Variants in PIK3R3 observed in about 807,000 individuals in gnomAD.
PIK3R3 encodes phosphoinositide-3-kinase regulatory subunit 3, also known as phosphatidylinositol 3-kinase regulatory subunit gamma.
In PIK3R3, 64 loss-of-function variants were observed where a neutral mutation model predicts 62.9. The ratio of observed to expected loss-of-function variants is 1.02; its 90% CI spans 0.83 to 1.25. PIK3R3 has a LOEUF of 1.25. Among genes scored for constraint, PIK3R3 ranks in the 50% most tolerant of loss-of-function variants. PIK3R3 has a pLI of 0.00. For missense variants in PIK3R3, 614 were observed against 561.6 expected, an observed-to-expected ratio of 1.09 and a Z score of -0.94; for synonymous variants, 165 against 189.0, an observed-to-expected ratio of 0.87 and a Z score of 1.04.
chr1:46,123,025 G>A (rs953280652), intron 1 of PIK3R3, among the ~76,000 whole-genome samples: 3 of 152,028 alleles, frequency 2.0e-5, no homozygotes, highest in East Asian at 3.9e-4. Flanking sequence ...AGTTTAGGCT[G>A]CAGTGAGCCA....
rs1271226272 is a variant in PIK3R3, at chr1:46,074,309, A to C, written c.314+3206T>G. Among the ~76,000 whole-genome samples the C allele has an allele frequency of 4.1e-5, 6 of 146,532 alleles. 1 individual carries two copies. In the East Asian group the frequency reaches 1.2e-3, roughly 30 times the overall value. ...GTCAAAAAAAAAAAAAAAAAAAAAA[A>C]AAAAAAAACCAATAAATTCAGCCTG... On this transcript the variant is annotated intron_variant, in intron 3 of 9. Coordinates refer to ENST00000262741, the MANE Select transcript of PIK3R3 (RefSeq NM_003629.4).
chr1:46,149,248 C>T, the PIK3R3 span, among the ~76,000 whole-genome samples: 1 of 151,832 alleles, frequency 6.6e-6, no homozygotes, highest in Admixed American at 6.6e-5. Context: ...CATAGTGAAA[C>T]CCCATCTTTA....
the PIK3R3 span, among the ~76,000 whole-genome samples, chr1:46,172,654 C>T: frequency 3.9e-5 from 6 of 152,140 alleles, no homozygotes; most frequent in South Asian, 2.1e-4. Flanking sequence ...CAGGTCACTG[C>T]ACTCCAGTAT....
chr1:46,165,751 C>CTTTTTTTTTTT, the PIK3R3 span, among the ~76,000 whole-genome samples: 72 of 39,552 alleles, frequency 1.8e-3, 31 homozygotes, highest in East Asian at 4.1e-3. Context: ...CTGCTTTGTC[C>CTTTTTTTTTTT]TTTTTTTTTT....
chr1:46,058,955 C>T (rs1317078207), intron 6 of PIK3R3, among the ~76,000 whole-genome samples: 1 of 152,146 alleles, frequency 6.6e-6, no homozygotes, highest in Non-Finnish European at 1.5e-5. Flanking sequence ...TGTCCCCACC[C>T]GAATCTCCTC....
chr1:46,081,923 C>T (rs1273708657), intron 1 of PIK3R3, among the ~76,000 whole-genome samples: 1 of 151,810 alleles, frequency 6.6e-6, no homozygotes, highest in African/African-American at 2.4e-5. Context: ...GAACAGCTGG[C>T]ATATCAATAC....
chr1:46,146,686 TAC>T, the PIK3R3 span, among the ~76,000 whole-genome samples: 1,814 of 92,300 alleles, frequency 0.02, 55 homozygotes, highest in East Asian at 0.024. Context: ...CCTCCAACTC[TAC>T]ACACACACAC....
chr1:46,101,485 C>A (rs979446838), intron 1 of PIK3R3, among the ~76,000 whole-genome samples: 1 of 152,078 alleles, frequency 6.6e-6, no homozygotes, highest in African/African-American at 2.4e-5. Context: ...AGCCTTGCAA[C>A]ACAGCAAGAC....
chr1:46,139,086 C>T, the PIK3R3 span: 1 of 152,130 alleles, frequency 6.6e-6, no homozygotes, highest in Non-Finnish European at 1.5e-5. Context: ...ACCAAATATG[C>T]AATATGATAA....
At chr1:46,166,021 G>A in the PIK3R3 span, among the ~76,000 whole-genome samples, 2 of 147,860 alleles carry the variant, frequency 1.4e-5, no homozygotes, top group Non-Finnish European at 3.0e-5. Flanking sequence ...TGATTCGCCC[G>A]CCTCGGCCTC....
At chr1:46,126,784 A>G (rs1208019321) in intron 1 of PIK3R3, among the ~76,000 whole-genome samples, 1 of 150,716 alleles carries the variant, frequency 6.6e-6, no homozygotes, top group Non-Finnish European at 1.5e-5. Flanking sequence ...AAAAAAAGCC[A>G]TATGTATAAT....
chr1:46,159,297 A>G, the PIK3R3 span, among the ~76,000 whole-genome samples: 3 of 152,260 alleles, frequency 2.0e-5, no homozygotes, highest in Non-Finnish European at 4.4e-5. Context: ...GTCAGGGGCA[A>G]AGCCCAGATT....
intron 1 of PIK3R3, among the ~76,000 whole-genome samples, chr1:46,126,703 A>C (rs2149474940): frequency 6.6e-6 from 1 of 152,162 alleles, no homozygotes; most frequent in South Asian, 2.1e-4. Flanking sequence ...AGGGATGCTG[A>C]GGCAGAAGGA....
At chr1:46,149,225 C>A in the PIK3R3 span, among the ~76,000 whole-genome samples, 1 of 151,964 alleles carries the variant, frequency 6.6e-6, no homozygotes, top group Non-Finnish European at 1.5e-5. Flanking sequence ...GAGTTGAAGA[C>A]CAGCCTGGGC....
chr1:46,147,316 G>A, the PIK3R3 span, among the ~76,000 whole-genome samples: 1 of 152,140 alleles, frequency 6.6e-6, no homozygotes, highest in Non-Finnish European at 1.5e-5. Flanking sequence ...TGTTGGCCAG[G>A]CTGGTCTTGA....
intron 1 of PIK3R3, among the ~76,000 whole-genome samples, chr1:46,096,088 G>A (rs1652097336): frequency 6.6e-6 from 1 of 152,132 alleles, no homozygotes; most frequent in African/African-American, 2.4e-5. Flanking sequence ...CCGACACAAT[G>A]GATTAATTAT....
chr1:46,052,002 G>A (rs1647396797), intron 7 of PIK3R3, among the ~76,000 whole-genome samples: 1 of 152,072 alleles, frequency 6.6e-6, no homozygotes, highest in Non-Finnish European at 1.5e-5. Flanking sequence ...GCTGGGCATG[G>A]TGGCAGGCGC....
intron 1 of PIK3R3, 157 bp downstream of exon 1, chr1:46,131,690 G>A (rs1243808193): frequency 1.8e-6 from 1 of 566,904 alleles, no homozygotes; most frequent in Non-Finnish European, 3.2e-6. Flanking sequence ...CTTTAAACGT[G>A]TAAACCAGAA....
chr1:46,161,609 C>T, the PIK3R3 span, among the ~76,000 whole-genome samples: 1 of 152,104 alleles, frequency 6.6e-6, no homozygotes, highest in South Asian at 2.1e-4. Flanking sequence ...GTGGCATGCA[C>T]CTATAGTCCC....
Sources: allele counts gnomAD v4.1 joint callset (sites outside exome capture counted in the v4.1 genomes callset), GRCh38; gene constraint gnomAD v4.1.1; transcripts MANE v1.5; gene names NCBI Gene and HGNC (gene_info 2026-07-23, HGNC 2026-07-21).